The following ARHGAP24 variants were observed in gnomAD, a reference collection of about 807,000 sequenced individuals.
ARHGAP24 encodes Rho GTPase activating protein 24.
Under a neutral mutation model 76.4 loss-of-function variants are expected in ARHGAP24, and 50 were observed. The ratio of observed to expected loss-of-function variants is 0.65; its 90% CI spans 0.52 to 0.83. ARHGAP24 has a LOEUF of 0.83. Ranked by LOEUF, ARHGAP24 falls within the 40% of genes least tolerant of loss-of-function variation. The pLI, the probability that ARHGAP24 is intolerant of heterozygous loss-of-function variation, is 0.00. For synonymous variants in ARHGAP24, 345 were observed against 323.3 expected, an observed-to-expected ratio of 1.07 and a Z score of -0.72; for missense variants, 930 against 914.2, an observed-to-expected ratio of 1.02 and a Z score of -0.22.
chr4:85,602,698 T>C (rs115139151), intron 2 of ARHGAP24, among the ~76,000 whole-genome samples: 284 of 152,302 alleles, frequency 1.9e-3, no homozygotes, highest in African/African-American at 6.7e-3. Context: ...AATTATGTAA[T>C]GCATTTTCTC....
intron 3 of ARHGAP24, among the ~76,000 whole-genome samples, chr4:85,825,616 T>C (rs745380081): frequency 3.3e-4 from 51 of 152,306 alleles, no homozygotes; most frequent in South Asian, 1.2e-3. Flanking sequence ...GCTTCTTCAA[T>C]TGAAAAACAA....
At chr4:85,908,105 C>T (rs1181095575) in intron 3 of ARHGAP24, among the ~76,000 whole-genome samples, 1 of 151,294 alleles carries the variant, frequency 6.6e-6, no homozygotes, top group East Asian at 2.0e-4. Flanking sequence ...TCCTTATATT[C>T]CTCTCCCCAT....
At chr4:85,814,430 A>C (rs1470738641) in intron 3 of ARHGAP24, among the ~76,000 whole-genome samples, 3 of 152,254 alleles carry the variant, frequency 2.0e-5, no homozygotes, top group Non-Finnish European at 2.9e-5. Flanking sequence ...ATGGGGGTAC[A>C]GTAATTGGGT....
At chr4:85,972,319 T>C (rs1739035255) in intron 6 of ARHGAP24, 151 bp downstream of exon 6, 1 of 979,180 alleles carries the variant, frequency 1.0e-6, no homozygotes, top group Non-Finnish European at 1.5e-6. Flanking sequence ...ACTTTCCGTA[T>C]ACAGCTCAAG....
chr4:85,500,901 T>G (rs1032057645), intron 1 of ARHGAP24, among the ~76,000 whole-genome samples: 12 of 143,648 alleles, frequency 8.4e-5, no homozygotes, highest in African/African-American at 1.8e-4. Context: ...CCCTGGTGTG[T>G]GATGTTCCCC....
intron 5 of ARHGAP24, among the ~76,000 whole-genome samples, chr4:85,948,120 ATC>A (rs967098404): frequency 6.6e-6 from 1 of 152,158 alleles, no homozygotes; most frequent in African/African-American, 2.4e-5. Flanking sequence ...ATTCTATTAC[ATC>A]TCTTATTCTT....
chr4:85,572,609 T>C (rs1727183011), intron 2 of ARHGAP24, among the ~76,000 whole-genome samples: 1 of 152,120 alleles, frequency 6.6e-6, no homozygotes, highest in Admixed American at 6.5e-5. Context: ...GAAAATTATA[T>C]TAATTCATAG....
chr4:85,986,134 T>C (rs73833984), intron 8 of ARHGAP24, among the ~76,000 whole-genome samples: 2,379 of 152,252 alleles, frequency 0.016, 71 homozygotes, highest in African/African-American at 0.052. Context: ...TTTAAAATTA[T>C]CTTCTACTTG....
At chr4:85,667,068 G>T (rs1225805364) in intron 2 of ARHGAP24, among the ~76,000 whole-genome samples, 1 of 152,188 alleles carries the variant, frequency 6.6e-6, no homozygotes, top group Non-Finnish European at 1.5e-5. Context: ...GGTTACTGCT[G>T]TCTTTTTGTT....
At chr4:85,990,409 T>G (rs544853736) in intron 8 of ARHGAP24, 15 of 151,992 alleles carry the variant, frequency 9.9e-5, no homozygotes, top group African/African-American at 3.1e-4. Context: ...TCCATCAGAA[T>G]TTTTATTTGT....
chr4:85,774,117 T>A (rs573760302), intron 3 of ARHGAP24, among the ~76,000 whole-genome samples: 1 of 152,282 alleles, frequency 6.6e-6, no homozygotes, highest in East Asian at 1.9e-4. Context: ...CCTCTCCCTA[T>A]CTTGCTGTCA....
At chr4:85,696,958 A>G (rs1321792508) in intron 2 of ARHGAP24, among the ~76,000 whole-genome samples, 2 of 152,214 alleles carry the variant, frequency 1.3e-5, no homozygotes, top group Non-Finnish European at 2.9e-5. Context: ...TTTTCCTAGT[A>G]GGATGCATAT....
chr4:85,487,884 T>C (rs1452267678), intron 1 of ARHGAP24, among the ~76,000 whole-genome samples: 2 of 126,854 alleles, frequency 1.6e-5, no homozygotes, highest in Non-Finnish European at 1.6e-5. Context: ...ATATAATATA[T>C]ATAATAAATA....
At chr4:85,655,843 A>G (rs1722149820) in intron 2 of ARHGAP24, among the ~76,000 whole-genome samples, 1 of 121,312 alleles carries the variant, frequency 8.2e-6, no homozygotes, top group Non-Finnish European at 1.7e-5. Flanking sequence ...AGAGAGAGAG[A>G]GACAGAGAGG....
At chr4:85,675,730 A>G (rs1010088353) in intron 2 of ARHGAP24, among the ~76,000 whole-genome samples, 1 of 152,176 alleles carries the variant, frequency 6.6e-6, no homozygotes, top group African/African-American at 2.4e-5. Flanking sequence ...TTTGCTTGAC[A>G]TTATGTTGAG....
At position 85,619,881 on chromosome 4, in the gene ARHGAP24, A is replaced by AT. The variant is rs999906842; in HGVS notation, c.180+49168dup. ...GTTTTTATTATCATGAAATGATCTT[A>AT]TTTTTTTTCAAATGCCTTATCTGCA... On this transcript the variant is annotated intron_variant, in intron 2 of 9. Transcript: ENST00000395184. Among the ~76,000 whole-genome samples, 123 of 151,474 alleles carry AT rather than the reference A, an allele frequency of 8.1e-4. 1 individual carries two copies. Among genetic ancestry groups the AT allele is most frequent in the African/African-American group, 2.9e-3 (118 of 41,380 alleles).
intron 5 of ARHGAP24, among the ~76,000 whole-genome samples, chr4:85,950,328 A>C (rs1737537186): frequency 3.9e-5 from 1 of 25,506 alleles, no homozygotes; most frequent in Non-Finnish European, 7.4e-5. Flanking sequence ...CTGTCTCTAC[A>C]AAAAAAAAAT....
At chr4:85,874,624 T>C (rs1560687752) in intron 3 of ARHGAP24, among the ~76,000 whole-genome samples, 1 of 151,530 alleles carries the variant, frequency 6.6e-6, no homozygotes, top group Non-Finnish European at 1.5e-5. Context: ...ACTGATATCA[T>C]TCCCCTGTTT....
At chr4:85,888,781 C>A (rs1733717482) in intron 3 of ARHGAP24, among the ~76,000 whole-genome samples, 1 of 152,108 alleles carries the variant, frequency 6.6e-6, no homozygotes, top group African/African-American at 2.4e-5. Flanking sequence ...CTCCTACCCT[C>A]CACCCTCCAA....
Sources: gnomAD v4.1 joint callset for allele counts (sites outside exome capture counted in the v4.1 genomes callset) on GRCh38, gnomAD v4.1.1 for gene constraint, MANE v1.5 for transcripts, NCBI Gene and HGNC (gene_info 2026-07-23, HGNC 2026-07-21) for gene names.